The following ANKRD55 variants were observed in gnomAD, a reference collection of about 807,000 sequenced individuals.
The protein encoded by ANKRD55 is ankyrin repeat domain 55.
A neutral mutation model predicts 60.6 loss-of-function variants in ANKRD55; 41 were observed. The ratio of observed to expected loss-of-function variants is 0.68; its 90% CI spans 0.53 to 0.88. The LOEUF is 0.88. Among genes scored for constraint, ANKRD55 ranks in the 40% least tolerant of loss-of-function variants. ANKRD55 has a pLI of 0.00. For synonymous variants in ANKRD55, 264 were observed against 290.3 expected, an observed-to-expected ratio of 0.91 and a Z score of 0.92; for missense variants, 732 against 767.6, an observed-to-expected ratio of 0.95 and a Z score of 0.55.
At chr5:56,124,800 C>T (rs1031692263) in intron 8 of ANKRD55, among the ~76,000 whole-genome samples, 1 of 152,198 alleles carries the variant, frequency 6.6e-6, no homozygotes, top group African/African-American at 2.4e-5. Context: ...GCCACTGTGC[C>T]TGGCCCTGAA....
At chr5:56,120,715 C>T (rs776969136) in intron 8 of ANKRD55, among the ~76,000 whole-genome samples, 22 of 151,932 alleles carry the variant, frequency 1.4e-4, no homozygotes, top group Non-Finnish European at 2.4e-4. Context: ...CTGGCTAACA[C>T]GGTGAAACCC....
intron 2 of ANKRD55, among the ~76,000 whole-genome samples, chr5:56,210,427 T>C (rs1313097684): frequency 1.3e-5 from 2 of 151,060 alleles, no homozygotes; most frequent in Non-Finnish European, 3.0e-5. Flanking sequence ...CCGGGTGCGG[T>C]GGCGGGCGCC....
At chr5:56,206,546 T>G (rs1759514044) in intron 2 of ANKRD55, among the ~76,000 whole-genome samples, 2 of 152,158 alleles carry the variant, frequency 1.3e-5, no homozygotes, top group East Asian at 3.8e-4. Flanking sequence ...CATCATGCAA[T>G]GGAGGAGTGG....
In ANKRD55 at chr5:56,106,420, CTTTTT is replaced by C. The variant is rs71602938; in HGVS notation, c.1631-3839_1631-3835del. 2.4e-3 allele frequency among the ~76,000 whole-genome samples: 229 copies of C among 96,910 alleles called. 3 individuals are homozygous for C. The highest frequency in any genetic ancestry group is 0.012 in the African/African-American group (210 of 17,140). 63.6% of individuals were successfully genotyped at this position (96,910 alleles called of 152,430 possible). ...AATAAAATCCGTAAGGCTAGGAAAG[CTTTTT>C]TTTTTTTTTTTTTTTTTTGAGACAT... On this transcript the variant is annotated intron_variant, in intron 10 of 11. Transcript: ENST00000341048.
intron 2 of ANKRD55, among the ~76,000 whole-genome samples, chr5:56,217,259 C>T (rs539768920): frequency 6.6e-6 from 1 of 152,288 alleles, no homozygotes; most frequent in African/African-American, 2.4e-5. Flanking sequence ...AAGAAAAGTT[C>T]CTTTCAAAAC....
chr5:56,111,002 A>G, intron 10 of ANKRD55, 116 bp downstream of exon 10: 1 of 1,293,864 alleles, frequency 7.7e-7, no homozygotes, highest in African/African-American at 1.5e-5. Flanking sequence ...CTAATCACTC[A>G]TTTTATTCTC....
chr5:56,125,200 T>G (rs1057204348), intron 8 of ANKRD55, among the ~76,000 whole-genome samples: 3 of 152,246 alleles, frequency 2.0e-5, no homozygotes, highest in Non-Finnish European at 2.9e-5. Context: ...ACTTTTTTCC[T>G]AATGTAGCTT....
intron 5 of ANKRD55, among the ~76,000 whole-genome samples, chr5:56,161,684 A>G (rs1758334325): frequency 6.6e-6 from 1 of 152,142 alleles, no homozygotes; most frequent in Non-Finnish European, 1.5e-5. Flanking sequence ...TGACCTCACT[A>G]CTGCACGATC....
rs1460357645 is a variant in ANKRD55 at position 56,116,664 on chromosome 5, G to A, written c.916C>T (p.Leu306=). ...ACACACGCCGTGTGACCGCAGTACA[G>A]GGCATAGGCCAAGGGCGTGCTCTCA... ...INESTPLAYA[L]YCGHTACVKL... Residue 306 remains leucine, a synonymous_variant, in exon 9 of 12, where the codon CTG becomes TTG. Coordinates refer to ENST00000341048, the MANE Select transcript of ANKRD55 (RefSeq NM_024669.3). 2.5e-6 allele frequency: 4 copies of A among 1,612,700 alleles called. No homozygotes were observed. Among genetic ancestry groups the A allele is most frequent in the Admixed American group, 3.3e-5 (2 of 59,802 alleles).
At chr5:56,216,047 C>CTTTTTTTTTTTTTTTTTTTTTTTTTTT (rs1192323968) in intron 2 of ANKRD55, among the ~76,000 whole-genome samples, 2 of 151,100 alleles carry the variant, frequency 1.3e-5, no homozygotes, top group African/African-American at 4.9e-5. Flanking sequence ...GTAACACTTT[C>CTTTTTTTTTTTTTTTTTTTTTTTTTTT]TATGCTGTAT....
At chr5:56,217,483 T>C (rs1009200821) in intron 2 of ANKRD55, among the ~76,000 whole-genome samples, 13 of 152,184 alleles carry the variant, frequency 8.5e-5, no homozygotes, top group African/African-American at 2.9e-4. Flanking sequence ...CCTCCATAGA[T>C]AGTGATTCCT....
chr5:56,102,384 C>A, intron 11 of ANKRD55, 110 bp downstream of exon 11: 1 of 741,364 alleles, frequency 1.3e-6, no homozygotes, highest in South Asian at 1.9e-5. Flanking sequence ...GCGCAAGACT[C>A]CATCTCAAAA....
intron 2 of ANKRD55, among the ~76,000 whole-genome samples, chr5:56,189,636 T>C (rs1174967527): frequency 2.0e-5 from 3 of 152,240 alleles, no homozygotes; most frequent in Admixed American, 6.5e-5. Flanking sequence ...TTCATCCATG[T>C]TGTAGAATGT....
chr5:56,109,640 T>A (rs960085222), intron 10 of ANKRD55, among the ~76,000 whole-genome samples: 1 of 151,898 alleles, frequency 6.6e-6, no homozygotes, highest in African/African-American at 2.4e-5. Flanking sequence ...ACCCAGCCTA[T>A]GGATCATTTA....
At chr5:56,101,864 T>G (rs223079) in intron 11 of ANKRD55, among the ~76,000 whole-genome samples, 1 of 151,892 alleles carries the variant, frequency 6.6e-6, no homozygotes, top group Non-Finnish European at 1.5e-5. Flanking sequence ...GTAAGGAAAC[T>G]GATATCAGGA....
At chr5:56,185,849 G>A (rs1052715570) in intron 2 of ANKRD55, among the ~76,000 whole-genome samples, 1 of 152,158 alleles carries the variant, frequency 6.6e-6, no homozygotes, top group Admixed American at 6.5e-5. Flanking sequence ...CATAAGTGCC[G>A]GTTGACCTGT....
In ANKRD55 at chr5:56,143,843, A is replaced by G; in HGVS notation, c.570T>C (p.Leu190=). 6.2e-7 allele frequency: 1 copy of G among 1,614,118 alleles called. No individual in the cohort carries two copies. The highest frequency in any genetic ancestry group is 8.5e-7 in the Non-Finnish European group (1 of 1,180,016). Residue 190 remains leucine, a synonymous_variant, in exon 7 of 12, where the codon CTT becomes CTC. Coordinates refer to ENST00000341048, the MANE Select transcript of ANKRD55 (RefSeq NM_024669.3). ...MLLKKGADPT[L]VDKDFKTALH... ...GAGCGGTTTTAAAGTCTTTATCCAC[A>G]AGGGTGGGGTCTGCCCCCTTCTTCA...
chr5:56,196,316 A>C (rs1759227238), intron 2 of ANKRD55, among the ~76,000 whole-genome samples: 1 of 152,188 alleles, frequency 6.6e-6, no homozygotes, highest in Non-Finnish European at 1.5e-5. Context: ...ATTACCTTGG[A>C]GTGTAGCTAT....
chr5:56,161,630 A>G (rs1449582376), intron 5 of ANKRD55, among the ~76,000 whole-genome samples: 3 of 152,170 alleles, frequency 2.0e-5, no homozygotes, highest in Non-Finnish European at 4.4e-5. Context: ...ATCTTGTTGT[A>G]TCATAGTCTT....
Sources: gnomAD v4.1 joint callset for allele counts (sites outside exome capture counted in the v4.1 genomes callset) on GRCh38, gnomAD v4.1.1 for gene constraint, MANE v1.5 for transcripts, NCBI Gene and HGNC (gene_info 2026-07-23, HGNC 2026-07-21) for gene names.